The following LRRK1 variants were observed in gnomAD, a reference collection of about 807,000 sequenced individuals.
LRRK1 encodes leucine-rich repeat serine/threonine-protein kinase 1.
LRRK1 carries 113 observed loss-of-function variants against 209.1 expected under a neutral mutation model. That is an observed-to-expected ratio of 0.54 (90% CI 0.46 to 0.63). The LOEUF is 0.63. LRRK1 is among the 30% of genes least tolerant of loss of function. The pLI, the probability that LRRK1 is intolerant of heterozygous loss-of-function variation, is 0.00. For missense variants in LRRK1, 2,284 were observed against 2,632.2 expected (o/e 0.87, Z 2.89); for synonymous variants, 1,144 against 1,099.7 (o/e 1.04, Z -0.80).
Position 101,058,050 on chromosome 15 carries a change from T to C in LRRK1, c.4588T>C (p.Tyr1530His). Residue 1530 changes from tyrosine (Y) to histidine (H), a missense_variant, in exon 29 of 34, where the codon TAT becomes CAT. Physicochemically the swap from Tyr to His is moderately conservative, Grantham distance 83. This residue lies in a region of LRRK1 where 643 missense variants were observed against 695.9 expected (regional missense o/e 0.92). Transcript: ENST00000388948. ...MKDPTFATFM[Y>H]ELCCGKQTAF... is the part of the protein sequence containing the mutation. ...GGACCCGACTTTTGCCACCTTCATG[T>C]ATGAACTGTGCTGTGGGAAGCAGAC... 1 of 1,614,186 alleles carries C rather than the reference T, an allele frequency of 6.2e-7. No homozygotes were observed. Among genetic ancestry groups the C allele is most frequent in the Non-Finnish European group, 8.5e-7 (1 of 1,180,006 alleles).
At chr15:101,025,054 G>A in intron 16 of LRRK1, 87 bp downstream of exon 16, 1 of 1,307,810 alleles carries the variant, frequency 7.6e-7, no homozygotes, top group Non-Finnish European at 1.0e-6. Flanking sequence ...CCTGTACTGA[G>A]AAAAAAAGGG....
intron 2 of LRRK1, among the ~76,000 whole-genome samples, chr15:100,968,458 G>T (rs1291856557): frequency 6.6e-6 from 1 of 152,096 alleles, no homozygotes; most frequent in East Asian, 1.9e-4. Context: ...AGCCAGTAAG[G>T]TATGAACATT....
chr15:101,043,441 ACGTTCAGAGTAAGGCAGCCTGT>A (rs999120022), intron 20 of LRRK1, among the ~76,000 whole-genome samples: 67 of 46,240 alleles, frequency 1.4e-3, no homozygotes, highest in Non-Finnish European at 3.3e-3. Context: ...GTCCATGAGA[ACGTTCAGAGTAAGGCAGCCTGT>A]GTGTTTACAA....
chr15:101,034,101 T>C (rs2034397039), intron 20 of LRRK1, among the ~76,000 whole-genome samples: 1 of 152,170 alleles, frequency 6.6e-6, no homozygotes, highest in African/African-American at 2.4e-5. Context: ...TTGCCTTCTT[T>C]TGAGATTATT....
At chr15:100,943,590 A>G (rs2042482658) in intron 2 of LRRK1, among the ~76,000 whole-genome samples, 2 of 151,776 alleles carry the variant, frequency 1.3e-5, no homozygotes, top group African/African-American at 4.8e-5. Flanking sequence ...TGGATCTTAG[A>G]TAATGTCCCT....
chr15:101,002,220 T>C (rs1448633884), intron 6 of LRRK1, among the ~76,000 whole-genome samples: 3 of 152,250 alleles, frequency 2.0e-5, no homozygotes, highest in Admixed American at 6.5e-5. Flanking sequence ...AGAAGCATCA[T>C]GTGAAGGTGT....
intron 20 of LRRK1, among the ~76,000 whole-genome samples, chr15:101,042,418 C>G (rs2034808513): frequency 6.6e-6 from 1 of 152,190 alleles, no homozygotes; most frequent in Non-Finnish European, 1.5e-5. Context: ...ACCTCTGACC[C>G]CATGCCACCT....
At chr15:101,008,142 C>CAAAAAA (rs796213769) in intron 6 of LRRK1, among the ~76,000 whole-genome samples, 3 of 74,154 alleles carry the variant, frequency 4.0e-5, no homozygotes, top group Non-Finnish European at 7.3e-5. Context: ...GACTCCATCT[C>CAAAAAA]AAAAAAAAAA....
intron 21 of LRRK1, among the ~76,000 whole-genome samples, chr15:101,047,806 C>A (rs748270924): frequency 4.6e-5 from 7 of 152,180 alleles, no homozygotes; most frequent in Non-Finnish European, 8.8e-5. Flanking sequence ...GACCCTTCGA[C>A]CAATAATCCG....
At chr15:101,006,781 T>C (rs1163039022) in intron 6 of LRRK1, among the ~76,000 whole-genome samples, 1 of 152,236 alleles carries the variant, frequency 6.6e-6, no homozygotes, top group African/African-American at 2.4e-5. Flanking sequence ...GTGACAGCGT[T>C]TTAACAATCA....
rs1596286684 is a variant in LRRK1, at chr15:101,022,433, A to C, written c.1903A>C (p.Lys635Gln). ...YLRAQLRKAEKCKLMKMIIVG... is the reference protein window; with the variant it reads ...YLRAQLRKAEQCKLMKMIIVG... ...GCGTGCTCAGCTGCGGAAAGCGGAA[A>C]AGTGCAAGCTGATGAAGATGATCAT... The change falls in exon 15 of 34, where the codon AAG becomes CAG. Residue 635 changes from lysine to glutamine, a missense_variant. Transcript: ENST00000388948. The surrounding 1 kb of genome is among the most constrained non-coding windows in gnomAD (Gnocchi z 4.0). 17 of 1,614,244 alleles carry C rather than the reference A, an allele frequency of 1.1e-5. No individual in the cohort carries two copies. In the East Asian group the frequency reaches 3.8e-4, roughly 36 times the overall value.
chr15:100,971,387 A>G (rs947743758), intron 2 of LRRK1, among the ~76,000 whole-genome samples: 1 of 151,892 alleles, frequency 6.6e-6, no homozygotes, highest in African/African-American at 2.4e-5. Flanking sequence ...AAGAAAATCA[A>G]TCCAAAGCCT....
intron 13 of LRRK1, 36 bp downstream of exon 13, chr15:101,021,218 C>T: frequency 6.2e-7 from 1 of 1,611,170 alleles, no homozygotes; most frequent in Non-Finnish European, 8.5e-7. Flanking sequence ...GCTGGCTCTG[C>T]TGGCCCAGAG....
chr15:100,975,450 A>T (rs996145239), intron 3 of LRRK1, among the ~76,000 whole-genome samples: 2 of 152,198 alleles, frequency 1.3e-5, no homozygotes, highest in African/African-American at 4.8e-5. Context: ...CCCATATTTG[A>T]ATAAAGGAAA....
chr15:101,011,569 G>A (rs745385794), intron 9 of LRRK1, among the ~76,000 whole-genome samples: 8 of 138,810 alleles, frequency 5.8e-5, no homozygotes, highest in Non-Finnish European at 9.2e-5. Flanking sequence ...TAAAACAGAT[G>A]GAATAGCATG....
At chr15:101,040,420 A>G (rs1280121300) in intron 20 of LRRK1, among the ~76,000 whole-genome samples, 1 of 151,908 alleles carries the variant, frequency 6.6e-6, no homozygotes, top group Non-Finnish European at 1.5e-5. Flanking sequence ...TTCTTTCTTG[A>G]TCAGTCTTGC....
Position 100,973,892 on chromosome 15 carries a change from C to A in LRRK1, c.186C>A (p.Tyr62Ter). ...SRRTEGIRAA[Y>*]RRGDRGGARD... ...GGACGGAAGGCATCCGCGCCGCGTA[C>A]AGGCGGGGAGACCGCGGCGGCGCCC... Residue 62 changes from tyrosine to a stop codon, truncating the protein, a stop_gained, in exon 3 of 34, where the codon TAC becomes TAA. Transcript: ENST00000388948. LOFTEE classifies it high-confidence loss of function. 7.8e-7 allele frequency: 1 copy of A among 1,275,860 alleles called. No homozygotes were observed. Among genetic ancestry groups the A allele is most frequent in the Non-Finnish European group, 9.9e-7 (1 of 1,005,718 alleles). 79.0% of individuals were successfully genotyped at this position (1,275,860 alleles called of 1,614,324 possible). A position where few individuals can be genotyped will look rare whatever the true frequency, so the allele number is the denominator to read the frequency against.
rs201657615 is a variant in LRRK1, at chr15:100,924,655, C to T, written c.23C>T (p.Pro8Leu). ...TTGATGGCTGGCATGTCGCAAAGACCCCCCAGCATGTACTGGTGTGTGGGG... is the reference window on the plus strand; with the variant it reads ...TTGATGGCTGGCATGTCGCAAAGACTCCCCAGCATGTACTGGTGTGTGGGG... MAGMSQR[P>L]PSMYWCVGPE... is the part of the protein sequence containing the mutation. Residue 8 changes from proline (P) to leucine (L), a missense_variant, in exon 2 of 34, where the codon CCC becomes CTC. Physicochemically the swap from Pro to Leu is moderately conservative, Grantham distance 98. Around this residue, in one of 6 missense-constraint regions of LRRK1, gnomAD observed 174 missense variants for 133.5 expected, o/e 1.30. Transcript: ENST00000388948. 18 of 1,614,012 alleles carry T rather than the reference C, an allele frequency of 1.1e-5. No individual in the cohort carries two copies. Among genetic ancestry groups the T allele is most frequent in the African/African-American group, 4.0e-5 (3 of 74,906 alleles).
At chr15:101,002,849 G>A (rs1266907759) in intron 6 of LRRK1, among the ~76,000 whole-genome samples, 2 of 152,158 alleles carry the variant, frequency 1.3e-5, no homozygotes, top group Admixed American at 1.3e-4. Context: ...TTCGGCCTCA[G>A]CCTCCCAAGT....
Sources: allele counts gnomAD v4.1 joint callset (sites outside exome capture counted in the v4.1 genomes callset), GRCh38; gene constraint gnomAD v4.1.1; regional missense constraint gnomAD v4.1.1; non-coding constraint Gnocchi (gnomAD v3.1); transcripts MANE v1.5; gene names NCBI Gene and HGNC (gene_info 2026-07-23, HGNC 2026-07-21).